The following ZSWIM6 variants were observed in gnomAD, a reference collection of about 807,000 sequenced individuals.
ZSWIM6 encodes zinc finger SWIM-type containing 6, also known as zinc finger SWIM domain-containing protein 6.
Under a neutral mutation model 113.2 loss-of-function variants are expected in ZSWIM6, and 9 were observed. The observed-to-expected ratio is 0.08, with a 90% CI of 0.05 to 0.14. The LOEUF (loss-of-function observed/expected upper bound fraction) is 0.14. ZSWIM6 is among the 10% of genes least tolerant of loss of function. ZSWIM6 has a pLI of 1.00. For synonymous variants in ZSWIM6, 611 were observed against 606.5 expected, an observed-to-expected ratio of 1.01 and a Z score of -0.11; for missense variants, 1,162 against 1,552.2, an observed-to-expected ratio of 0.75 and a Z score of 4.22.
intron 1 of ZSWIM6, among the ~76,000 whole-genome samples, chr5:61,431,762 AAAAC>A (rs1331340544): frequency 6.6e-6 from 1 of 152,152 alleles, no homozygotes; most frequent in Admixed American, 6.5e-5. Context: ...ACAAAACAAA[AAAAC>A]AAAAAAAACT....
intron 5 of ZSWIM6, among the ~76,000 whole-genome samples, chr5:61,523,523 G>C (rs936544600): frequency 6.6e-6 from 1 of 152,036 alleles, no homozygotes; most frequent in East Asian, 1.9e-4. Flanking sequence ...TCCTTAATCA[G>C]CATGTATTAC....
chr5:61,447,326 A>G (rs192988440), intron 1 of ZSWIM6, among the ~76,000 whole-genome samples: 7 of 152,280 alleles, frequency 4.6e-5, no homozygotes, highest in African/African-American at 1.7e-4. Context: ...CTGAAACACA[A>G]TCCAACTGCA....
Position 61,538,826 on chromosome 5 carries a change from G to A in ZSWIM6, c.2394G>A (p.Leu798=), listed in dbSNP as rs766392155. Residue 798 remains leucine, a synonymous_variant, in exon 11 of 14, where the codon TTG becomes TTA. Transcript: ENST00000252744. ...IALRAMRLLV[L]ESTAPSGDLT... ...CTTCTCATTATAGGTTACTAGTATT[G>A]GAATCTACTGCTCCATCAGGAGACC... is the stretch of plus-strand genomic sequence containing the variant. The A allele has an allele frequency of 6.4e-7, 1 of 1,551,466 alleles. No individual in the cohort carries two copies. Among genetic ancestry groups the A allele is most frequent in the South Asian group, 1.2e-5 (1 of 83,950 alleles).
intron 2 of ZSWIM6, among the ~76,000 whole-genome samples, chr5:61,475,738 G>A (rs1407352778): frequency 6.6e-6 from 1 of 152,172 alleles, no homozygotes; most frequent in Non-Finnish European, 1.5e-5. Context: ...TGATGAAATG[G>A]GAAATCTGCT....
At chr5:61,394,499 A>C (rs918769835) in intron 1 of ZSWIM6, among the ~76,000 whole-genome samples, 2 of 152,216 alleles carry the variant, frequency 1.3e-5, no homozygotes, top group Admixed American at 6.5e-5. Flanking sequence ...GAGTCCTGGG[A>C]ATTCAGAGCT....
At chr5:61,441,135 A>T (rs1159483492) in intron 1 of ZSWIM6, among the ~76,000 whole-genome samples, 1 of 152,204 alleles carries the variant, frequency 6.6e-6, no homozygotes, top group Non-Finnish European at 1.5e-5. Context: ...TATATTGTTC[A>T]TCTAGATTAG....
chr5:61,359,625 T>C (rs1433560202), intron 1 of ZSWIM6, among the ~76,000 whole-genome samples: 2 of 152,122 alleles, frequency 1.3e-5, no homozygotes, highest in African/African-American at 4.8e-5. Flanking sequence ...GAAAGGATGA[T>C]GGGACTGTTT....
intron 1 of ZSWIM6, among the ~76,000 whole-genome samples, chr5:61,334,093 A>G (rs1039655396): frequency 1.3e-5 from 2 of 152,228 alleles, no homozygotes; most frequent in Non-Finnish European, 2.9e-5. Flanking sequence ...CAGGGCTTGT[A>G]AAGTAGAATA....
At chr5:61,423,957 T>C (rs1466006967) in intron 1 of ZSWIM6, among the ~76,000 whole-genome samples, 1 of 152,198 alleles carries the variant, frequency 6.6e-6, no homozygotes, top group Admixed American at 6.5e-5. Context: ...GAGCAGCCCC[T>C]CCTCTGTGTC....
Position 61,531,789 on chromosome 5 carries a change from T to A in ZSWIM6, c.2245+64T>A, listed in dbSNP as rs989552932. 6.6e-6 allele frequency: 10 copies of A among 1,509,994 alleles called. No individual in the cohort carries two copies. The African/African-American group carries it at 1.2e-4, about 19-fold the overall frequency. 93.5% of individuals were successfully genotyped at this position (1,509,994 alleles called of 1,614,324 possible). ...TTGACTTAGGTGCTAATCTTTCTTA[T>A]GTTAAAAGTGCTATCTGAATGCATT... On this transcript the variant is annotated intron_variant, in intron 9 of 13. Coordinates refer to ENST00000252744, the MANE Select transcript of ZSWIM6 (RefSeq NM_020928.2).
chr5:61,386,995 C>T (rs998868195), intron 1 of ZSWIM6, among the ~76,000 whole-genome samples: 2 of 152,046 alleles, frequency 1.3e-5, no homozygotes, highest in African/African-American at 4.8e-5. Context: ...TCAAGGGAGC[C>T]TTTGCCTTTT....
At chr5:61,385,262 A>G (rs1745571070) in intron 1 of ZSWIM6, among the ~76,000 whole-genome samples, 1 of 152,330 alleles carries the variant, frequency 6.6e-6, no homozygotes. Flanking sequence ...TTTTATCAAA[A>G]GTGGTAAAAG....
At chr5:61,508,000 G>C (rs1561269803) in intron 4 of ZSWIM6, among the ~76,000 whole-genome samples, 1 of 152,112 alleles carries the variant, frequency 6.6e-6, no homozygotes, top group Non-Finnish European at 1.5e-5. Flanking sequence ...GGTTTTAGGG[G>C]AACATGAATC....
chr5:61,504,188 T>C (rs1748542139), intron 4 of ZSWIM6, among the ~76,000 whole-genome samples: 1 of 152,190 alleles, frequency 6.6e-6, no homozygotes, highest in Non-Finnish European at 1.5e-5. Context: ...CTTCTTCTGC[T>C]TTATCTAGCC....
At chr5:61,410,827 A>G (rs1371294792) in intron 1 of ZSWIM6, among the ~76,000 whole-genome samples, 1 of 152,246 alleles carries the variant, frequency 6.6e-6, no homozygotes, top group Non-Finnish European at 1.5e-5. Context: ...AGAATGAGGT[A>G]TGAAGTGTGC....
intron 1 of ZSWIM6, among the ~76,000 whole-genome samples, chr5:61,347,921 TAAAA>T (rs1001539384): frequency 2.0e-5 from 3 of 151,852 alleles, no homozygotes; most frequent in African/African-American, 7.3e-5. Context: ...CTTTTTGAAT[TAAAA>T]AAAAGCAAGA....
At chr5:61,525,722 T>G (rs924731971) in intron 5 of ZSWIM6, 78 bp from the exon 6 acceptor site, 13 of 1,499,472 alleles carry the variant, frequency 8.7e-6, no homozygotes, top group Non-Finnish European at 1.2e-5. Flanking sequence ...CATGAACATC[T>G]GGCCACAGAA....
chr5:61,407,465 C>A (rs1204962078), intron 1 of ZSWIM6, among the ~76,000 whole-genome samples: 1 of 152,128 alleles, frequency 6.6e-6, no homozygotes, highest in Admixed American at 6.5e-5. Context: ...ACATAAAAAT[C>A]CCTAAATTTC....
intron 13 of ZSWIM6, 108 bp downstream of exon 13, chr5:61,542,073 G>A: frequency 5.9e-6 from 6 of 1,013,782 alleles, no homozygotes; most frequent in East Asian, 2.7e-5. Flanking sequence ...ACTTCTCCAA[G>A]GCTCCTTCTA....
Sources: allele counts gnomAD v4.1 joint callset (sites outside exome capture counted in the v4.1 genomes callset), GRCh38; gene constraint gnomAD v4.1.1; transcripts MANE v1.5; gene names NCBI Gene and HGNC (gene_info 2026-07-23, HGNC 2026-07-21).